The following PIP5K1A variants were observed in gnomAD, a reference collection of about 807,000 sequenced individuals.
PIP5K1A encodes the protein phosphatidylinositol 4-phosphate 5-kinase type-1 alpha.
A neutral mutation model predicts 72.9 loss-of-function variants in PIP5K1A; 46 were observed. The observed-to-expected ratio is 0.63, with a 90% CI of 0.50 to 0.81. The LOEUF (loss-of-function observed/expected upper bound fraction) is 0.81. PIP5K1A is among the 30% of genes least tolerant of loss of function. PIP5K1A has a pLI of 0.00. For missense variants in PIP5K1A, 458 were observed against 706.1 expected (o/e 0.65, Z 3.98); for synonymous variants, 228 against 255.1 (o/e 0.89, Z 1.01).
intron 1 of PIP5K1A, among the ~76,000 whole-genome samples, chr1:151,201,599 G>C (rs992903644): frequency 6.6e-6 from 1 of 151,846 alleles, no homozygotes; most frequent in African/African-American, 2.4e-5. Context: ...CAAGTAATCC[G>C]CCCACTTCGG....
rs61526781 is a variant in PIP5K1A at position 151,228,187 on chromosome 1, G to A, written c.237+787G>A. Among the ~76,000 whole-genome samples the A allele has an allele frequency of 3.1e-3, 467 of 152,050 alleles. 2 individuals are homozygous for A. The highest frequency in any genetic ancestry group is 0.011 in the African/African-American group (450 of 41,444). ...GGGTGTCAATCTGTCACCCAGGCTG[G>A]ATTGCAGTGGCATGATCATTGGCCG... is the stretch of plus-strand genomic sequence containing the variant. On this transcript the variant is annotated intron_variant, in intron 4 of 15. Coordinates refer to ENST00000368888, the MANE Select transcript of PIP5K1A (RefSeq NM_001135638.2).
chr1:151,231,226 A>G (rs1217587021), intron 4 of PIP5K1A, among the ~76,000 whole-genome samples: 1 of 152,016 alleles, frequency 6.6e-6, no homozygotes, highest in East Asian at 1.9e-4. Context: ...AAAAAAAAAA[A>G]AAAAAGGAAT....
intron 4 of PIP5K1A, among the ~76,000 whole-genome samples, chr1:151,230,091 A>G (rs587617193): frequency 6.7e-6 from 1 of 149,754 alleles, no homozygotes; most frequent in African/African-American, 2.4e-5. Context: ...CCGTCTCAAG[A>G]AAAAAAAAAC....
chr1:151,220,347 T>C (rs1308615265), intron 1 of PIP5K1A, among the ~76,000 whole-genome samples: 1 of 152,090 alleles, frequency 6.6e-6, no homozygotes, highest in Non-Finnish European at 1.5e-5. Context: ...TCAAGAATTT[T>C]GATTATCCAG....
chr1:151,207,441 A>C (rs587725713), intron 1 of PIP5K1A, among the ~76,000 whole-genome samples: 12 of 152,306 alleles, frequency 7.9e-5, no homozygotes, highest in African/African-American at 2.9e-4. Flanking sequence ...CTAGAGGGAA[A>C]TGTAGAGTTA....
chr1:151,211,523 G>A (rs1470970124), intron 1 of PIP5K1A, among the ~76,000 whole-genome samples: 3 of 151,648 alleles, frequency 2.0e-5, no homozygotes, highest in Non-Finnish European at 2.9e-5. Flanking sequence ...TTGGCCAGGC[G>A]TGGTGGCTCA....
Position 151,224,048 on chromosome 1 carries a change from T to C in PIP5K1A, c.86-197T>C, listed in dbSNP as rs1688765630. On this transcript the variant is annotated intron_variant, in intron 1 of 15. Coordinates refer to ENST00000368888, the MANE Select transcript of PIP5K1A (RefSeq NM_001135638.2). Reference sequence around the variant, plus strand: ...AGGGGTCTAGAATAAAAATGGAATATGCACGAGGCCTATGTGAGTATGGAG... The same window carrying C: ...AGGGGTCTAGAATAAAAATGGAATACGCACGAGGCCTATGTGAGTATGGAG... 8.5e-6 allele frequency: 5 copies of C among 588,712 alleles called. No homozygotes were observed. The Admixed American group carries it at 1.3e-4, about 15-fold the overall frequency. 36.5% of individuals were successfully genotyped at this position (588,712 alleles called of 1,614,324 possible).
chr1:151,210,322 A>G (rs975957966), intron 1 of PIP5K1A, among the ~76,000 whole-genome samples: 3 of 149,370 alleles, frequency 2.0e-5, no homozygotes, highest in Non-Finnish European at 3.0e-5. Flanking sequence ...CAGCCTACTC[A>G]GGATTACAGG....
intron 1 of PIP5K1A, among the ~76,000 whole-genome samples, chr1:151,202,751 G>A (rs1685378255): frequency 6.8e-6 from 1 of 147,380 alleles, no homozygotes; most frequent in African/African-American, 2.5e-5. Flanking sequence ...TTACAGGCGT[G>A]AGCCACCATG....
At chr1:151,212,894 T>C (rs945031094) in intron 1 of PIP5K1A, among the ~76,000 whole-genome samples, 7 of 146,820 alleles carry the variant, frequency 4.8e-5, no homozygotes, top group African/African-American at 1.8e-4. Flanking sequence ...TTTTTTTTTT[T>C]TTTTTCTTTT....
chr1:151,197,639 C>T (rs1179902556), upstream of PIP5K1A, among the ~76,000 whole-genome samples: 1 of 152,136 alleles, frequency 6.6e-6, no homozygotes, highest in Non-Finnish European at 1.5e-5. Context: ...TCTATCTGAC[C>T]GACTCTTACC....
intron 1 of PIP5K1A, among the ~76,000 whole-genome samples, chr1:151,217,058 G>T (rs1401825543): frequency 2.0e-5 from 3 of 151,984 alleles, no homozygotes; most frequent in African/African-American, 7.3e-5. Flanking sequence ...GACTACAGGT[G>T]CGTGCCACTA....
intron 14 of PIP5K1A, among the ~76,000 whole-genome samples, chr1:151,245,907 T>A (rs996692210): frequency 3.9e-5 from 6 of 152,154 alleles, no homozygotes. Flanking sequence ...TATTATCTAT[T>A]ATTGTGTAAC....
intron 1 of PIP5K1A, among the ~76,000 whole-genome samples, chr1:151,219,850 C>CGTTTTTTTTTTT (rs1257084814): frequency 2.0e-5 from 2 of 97,834 alleles, no homozygotes; most frequent in African/African-American, 7.5e-5. Flanking sequence ...CATATTCTTT[C>CGTTTTTTTTTTT]CTTTTTTTTT....
At chr1:151,234,900 C>T (rs952646753) in intron 8 of PIP5K1A, among the ~76,000 whole-genome samples, 1 of 152,198 alleles carries the variant, frequency 6.6e-6, no homozygotes, top group Non-Finnish European at 1.5e-5. Flanking sequence ...CTTTCAATAT[C>T]GATCTTCAGT....
At chr1:151,226,206 C>A (rs1290064045) in intron 3 of PIP5K1A, among the ~76,000 whole-genome samples, 1 of 151,788 alleles carries the variant, frequency 6.6e-6, no homozygotes, top group Non-Finnish European at 1.5e-5. Context: ...TCTGCCTCAG[C>A]CTCCCGAGTA....
chr1:151,246,979 A>G lies in PIP5K1A; in HGVS notation c.1686+14A>G. The G allele has an allele frequency of 6.2e-7, 1 of 1,609,546 alleles. No homozygotes were observed. The highest frequency in any genetic ancestry group is 8.5e-7 in the Non-Finnish European group (1 of 1,176,056). ...GAGTTCACCCATGTGAGTATCTGGG[A>G]TGTGTGGGAGGTGAACGTTTTGCAA... On this transcript the variant is annotated intron_variant, in intron 15 of 15. Transcript: ENST00000368888.
At chr1:151,202,576 G>A (rs953286228) in intron 1 of PIP5K1A, among the ~76,000 whole-genome samples, 1 of 151,862 alleles carries the variant, frequency 6.6e-6, no homozygotes, top group African/African-American at 2.4e-5. Context: ...GGGTTCAAGC[G>A]AGTTGCCTGC....
Position 151,199,971 on chromosome 1 carries a change from A to G in PIP5K1A, c.85+890A>G, listed in dbSNP as rs78868477. ...GGGCCGCACAGGCACACAGACACACATACATACTTTCTCAGACTAATTCCT... is the reference window on the plus strand; with the variant it reads ...GGGCCGCACAGGCACACAGACACACGTACATACTTTCTCAGACTAATTCCT... On this transcript the variant is annotated intron_variant, in intron 1 of 15. Coordinates refer to ENST00000368888, the MANE Select transcript of PIP5K1A (RefSeq NM_001135638.2). Among the ~76,000 whole-genome samples the G allele has an allele frequency of 4.4e-3, 664 of 152,148 alleles. 6 individuals are homozygous for G. The highest frequency in any genetic ancestry group is 0.015 in the African/African-American group (629 of 41,492).
Sources: gnomAD v4.1 joint callset for allele counts (sites outside exome capture counted in the v4.1 genomes callset) on GRCh38, gnomAD v4.1.1 for gene constraint, MANE v1.5 for transcripts, NCBI Gene and HGNC (gene_info 2026-07-23, HGNC 2026-07-21) for gene names.